SLC30A8: variants seen among roughly 807,000 people sequenced by gnomAD.
SLC30A8 encodes the protein solute carrier family 30 member 8, also known as proton-coupled zinc antiporter SLC30A8.
A neutral mutation model predicts 36.9 loss-of-function variants in SLC30A8; 27 were observed. The ratio of observed to expected loss-of-function variants is 0.73; its 90% CI spans 0.54 to 1.01. The LOEUF is 1.01. Among genes scored for constraint, SLC30A8 ranks in the 50% least tolerant of loss-of-function variants. SLC30A8 has a pLI of 0.00. For missense variants in SLC30A8, 439 were observed against 452.0 expected, an observed-to-expected ratio of 0.97 and a Z score of 0.26; for synonymous variants, 164 against 172.4, an observed-to-expected ratio of 0.95 and a Z score of 0.38.
rs139824501 is a variant in SLC30A8 at position 117,092,747 on chromosome 8, C to G, written c.-225-42533C>G. Among the ~76,000 whole-genome samples, 7 of 152,330 alleles carry G rather than the reference C, an allele frequency of 4.6e-5. No individual in the cohort carries two copies. In the East Asian group the frequency reaches 1.4e-3, roughly 29 times the overall value. On this transcript the variant is annotated intron_variant, in intron 2 of 10. Transcript: ENST00000427715. Reference sequence around the variant, plus strand: ...GGTACAAGCTGGGGAGGTTCCTCGTCTTGTTTGTTCCAGGGAGACACTGAG... The same window carrying G: ...GGTACAAGCTGGGGAGGTTCCTCGTGTTGTTTGTTCCAGGGAGACACTGAG...
At chr8:117,084,001 A>G (rs1025482369) in intron 2 of SLC30A8, among the ~76,000 whole-genome samples, 3 of 152,152 alleles carry the variant, frequency 2.0e-5, no homozygotes, top group African/African-American at 4.8e-5. Flanking sequence ...AGATAAGAGC[A>G]CAGAGATTAA....
At chr8:117,015,145 A>G (rs1816474620) in intron 1 of SLC30A8, among the ~76,000 whole-genome samples, 2 of 152,030 alleles carry the variant, frequency 1.3e-5, no homozygotes, top group African/African-American at 4.8e-5. Flanking sequence ...TGGCACAAAC[A>G]AGAGGATTAA....
At chr8:117,065,653 T>C (rs1239450615) in intron 2 of SLC30A8, among the ~76,000 whole-genome samples, 20 of 152,120 alleles carry the variant, frequency 1.3e-4, no homozygotes, top group South Asian at 2.1e-4. Flanking sequence ...AGCAGCCATT[T>C]TGTTTTTTGT....
chr8:117,064,826 A>G (rs773914224), intron 2 of SLC30A8, among the ~76,000 whole-genome samples: 2 of 152,156 alleles, frequency 1.3e-5, no homozygotes, highest in Non-Finnish European at 1.5e-5. Context: ...AGGGGAGAGA[A>G]ATATGTGAGG....
chr8:117,166,017 A>C (rs1823038484), intron 6 of SLC30A8, among the ~76,000 whole-genome samples: 1 of 152,196 alleles, frequency 6.6e-6, no homozygotes, highest in African/African-American at 2.4e-5. Flanking sequence ...TAAAGGATGC[A>C]AAATTACAAT....
intron 1 of SLC30A8, among the ~76,000 whole-genome samples, chr8:117,142,687 C>G (rs1821708221): frequency 6.6e-6 from 1 of 152,136 alleles, no homozygotes; most frequent in African/African-American, 2.4e-5. Context: ...CCTGGTAATT[C>G]TATAACTTGC....
chr8:116,973,454 T>C (rs1362533825), intron 1 of SLC30A8, among the ~76,000 whole-genome samples: 1 of 152,040 alleles, frequency 6.6e-6, no homozygotes, highest in Non-Finnish European at 1.5e-5. Flanking sequence ...TCAAAGAGAA[T>C]AAAATACCTA....
intron 2 of SLC30A8, among the ~76,000 whole-genome samples, chr8:117,097,642 A>T (rs1232726171): frequency 1.4e-5 from 1 of 69,370 alleles, no homozygotes; most frequent in African/African-American, 1.1e-4. Context: ...ATAATATATA[A>T]TTTTAAATAA....
chr8:117,165,474 C>T (rs977494745), intron 6 of SLC30A8, among the ~76,000 whole-genome samples: 3 of 152,120 alleles, frequency 2.0e-5, no homozygotes, highest in South Asian at 4.1e-4. Flanking sequence ...CTCAGAAAGG[C>T]CAGATAAGAG....
chr8:117,075,968 C>T (rs1021295218), intron 2 of SLC30A8, among the ~76,000 whole-genome samples: 18 of 152,168 alleles, frequency 1.2e-4, no homozygotes, highest in African/African-American at 4.3e-4. Context: ...CTCCGTGTAC[C>T]TTTACCTAGA....
intron 1 of SLC30A8, among the ~76,000 whole-genome samples, chr8:116,965,692 C>T (rs1440782657): frequency 6.6e-6 from 1 of 152,124 alleles, no homozygotes; most frequent in Non-Finnish European, 1.5e-5. Flanking sequence ...TCTTTCCCCT[C>T]CTGACCCCTA....
At chr8:117,010,516 G>A (rs561336981) in intron 1 of SLC30A8, among the ~76,000 whole-genome samples, 2 of 152,318 alleles carry the variant, frequency 1.3e-5, no homozygotes, top group East Asian at 1.9e-4. Flanking sequence ...GGCAACGGTC[G>A]AAAAGCATTG....
intron 2 of SLC30A8, among the ~76,000 whole-genome samples, chr8:117,041,008 A>T (rs1184701958): frequency 6.6e-6 from 1 of 152,184 alleles, no homozygotes. Flanking sequence ...CCCAAGGGAG[A>T]TAAACTGAGG....
At chr8:117,025,097 G>A (rs2130730612) in intron 1 of SLC30A8, among the ~76,000 whole-genome samples, 3 of 152,336 alleles carry the variant, frequency 2.0e-5, no homozygotes, top group Middle Eastern at 6.8e-3. Context: ...AAAACAACTT[G>A]TCAGAAATCT....
At chr8:117,045,791 T>C (rs1319795910) in intron 2 of SLC30A8, among the ~76,000 whole-genome samples, 1 of 152,148 alleles carries the variant, frequency 6.6e-6, no homozygotes, top group Non-Finnish European at 1.5e-5. Context: ...TTGTTTAACA[T>C]TTGGACACTA....
intron 1 of SLC30A8, among the ~76,000 whole-genome samples, chr8:117,143,155 C>T (rs1821735802): frequency 6.6e-6 from 1 of 151,790 alleles, no homozygotes; most frequent in South Asian, 2.1e-4. Flanking sequence ...TTCTACCACT[C>T]AACAAAAAAA....
At chr8:117,003,188 G>A (rs186396655) in intron 1 of SLC30A8, among the ~76,000 whole-genome samples, 9 of 152,244 alleles carry the variant, frequency 5.9e-5, no homozygotes, top group African/African-American at 1.9e-4. Context: ...ACTCAGGCCC[G>A]CTAAGACCAC....
At chr8:116,997,703 T>G (rs993832868) in intron 1 of SLC30A8, among the ~76,000 whole-genome samples, 1 of 152,152 alleles carries the variant, frequency 6.6e-6, no homozygotes, top group Non-Finnish European at 1.5e-5. Context: ...ATTAGAGGAA[T>G]TTCTTTGGAA....
At chr8:117,025,327 T>C (rs1401101202) in intron 1 of SLC30A8, among the ~76,000 whole-genome samples, 1 of 152,190 alleles carries the variant, frequency 6.6e-6, no homozygotes, top group Non-Finnish European at 1.5e-5. Flanking sequence ...GCAAGACTTC[T>C]CAGAACTTTT....
Sources: gnomAD v4.1 joint callset for allele counts (sites outside exome capture counted in the v4.1 genomes callset) on GRCh38, gnomAD v4.1.1 for gene constraint, MANE v1.5 for transcripts, NCBI Gene and HGNC (gene_info 2026-07-23, HGNC 2026-07-21) for gene names.